Variants in HS6ST3 observed in about 807,000 individuals in gnomAD.
HS6ST3 encodes heparan sulfate 6-O-sulfotransferase 3.
Under a neutral mutation model 36.7 loss-of-function variants are expected in HS6ST3, and 12 were observed. The observed-to-expected ratio is 0.33, with a 90% CI of 0.21 to 0.53. HS6ST3 has a LOEUF of 0.53. HS6ST3 is among the 20% of genes least tolerant of loss of function. The pLI is 0.95. For synonymous variants in HS6ST3, 240 were observed against 257.5 expected, an observed-to-expected ratio of 0.93 and a Z score of 0.65; for missense variants, 584 against 640.9, an observed-to-expected ratio of 0.91 and a Z score of 0.96.
chr13:96,125,249 G>T (rs1265325251), intron 1 of HS6ST3, among the ~76,000 whole-genome samples: 1 of 152,120 alleles, frequency 6.6e-6, no homozygotes, highest in African/African-American at 2.4e-5. Flanking sequence ...CTGGGTTAAG[G>T]TAGTAATTAC....
intron 1 of HS6ST3, among the ~76,000 whole-genome samples, chr13:96,781,891 A>G (rs183986299): frequency 2.0e-5 from 3 of 152,306 alleles, no homozygotes; most frequent in African/African-American, 4.8e-5. Flanking sequence ...TGGCATTGTT[A>G]TTAGTCGGTT....
chr13:96,760,874 T>C (rs1240445539), intron 1 of HS6ST3, among the ~76,000 whole-genome samples: 1 of 152,190 alleles, frequency 6.6e-6, no homozygotes, highest in African/African-American at 2.4e-5. Flanking sequence ...TTTTTGTGCT[T>C]CTAAAAGGGT....
At chr13:96,782,236 G>A (rs534147859) in intron 1 of HS6ST3, among the ~76,000 whole-genome samples, 39 of 152,258 alleles carry the variant, frequency 2.6e-4, no homozygotes, top group African/African-American at 9.1e-4. Flanking sequence ...AGCAAAGAAG[G>A]CTGCTGAATT....
At chr13:96,672,378 A>G (rs904241410) in intron 1 of HS6ST3, among the ~76,000 whole-genome samples, 8 of 152,236 alleles carry the variant, frequency 5.3e-5, no homozygotes, top group South Asian at 4.1e-4. Context: ...TTCATCCCCA[A>G]ACATTCTCCC....
chr13:96,118,759 G>A (rs987787455), intron 1 of HS6ST3, among the ~76,000 whole-genome samples: 3 of 123,190 alleles, frequency 2.4e-5, no homozygotes, highest in Admixed American at 9.9e-5. Flanking sequence ...GCCGGACTGC[G>A]GACTGCAGTG....
rs573183411 is a variant in HS6ST3, at chr13:96,344,953, T to G, written c.707+253384T>G. Reference sequence around the variant, plus strand: ...ACAGAATAGGGAATTCTTTTTCAATTGTGTGAGGATCAGATTTGAATAAAA... The same window carrying G: ...ACAGAATAGGGAATTCTTTTTCAATGGTGTGAGGATCAGATTTGAATAAAA... On this transcript the variant is annotated intron_variant, in intron 1 of 1. Transcript: ENST00000376705. 1.2e-4 allele frequency among the ~76,000 whole-genome samples: 19 copies of G among 152,330 alleles called. No homozygotes were observed. The South Asian group carries it at 3.7e-3, about 30-fold the overall frequency.
At chr13:96,743,359 CT>C (rs1876488659) in intron 1 of HS6ST3, among the ~76,000 whole-genome samples, 1 of 152,080 alleles carries the variant, frequency 6.6e-6, no homozygotes, top group African/African-American at 2.4e-5. Context: ...TGAACAGTCA[CT>C]CGGGCAATCC....
chr13:96,099,260 T>C (rs2053806452), intron 1 of HS6ST3, among the ~76,000 whole-genome samples: 1 of 152,186 alleles, frequency 6.6e-6, no homozygotes, highest in African/African-American at 2.4e-5. Flanking sequence ...GTTGTTTTTA[T>C]GTAAAAATAA....
At chr13:96,571,552 T>C (rs902641460) in intron 1 of HS6ST3, among the ~76,000 whole-genome samples, 4 of 152,228 alleles carry the variant, frequency 2.6e-5, no homozygotes, top group African/African-American at 9.6e-5. Context: ...TTATCATGCA[T>C]ATGTTTCTCT....
chr13:96,621,366 T>C (rs1324660177), intron 1 of HS6ST3, among the ~76,000 whole-genome samples: 2 of 152,194 alleles, frequency 1.3e-5, no homozygotes, highest in Admixed American at 6.5e-5. Context: ...CTGATGGTTT[T>C]TAAAATGGCA....
At chr13:96,579,579 T>C (rs1408538056) in intron 1 of HS6ST3, among the ~76,000 whole-genome samples, 2 of 150,980 alleles carry the variant, frequency 1.3e-5, no homozygotes, top group African/African-American at 4.9e-5. Context: ...AAAAAAAGTT[T>C]GTAGAATTGG....
chr13:96,565,374 AG>A (rs1465074955), intron 1 of HS6ST3, among the ~76,000 whole-genome samples: 1 of 152,130 alleles, frequency 6.6e-6, no homozygotes. Flanking sequence ...TTAGATCCTC[AG>A]ATCCCAAAAT....
chr13:96,445,732 G>A (rs1334000830), intron 1 of HS6ST3, among the ~76,000 whole-genome samples: 1 of 151,694 alleles, frequency 6.6e-6, no homozygotes, highest in African/African-American at 2.4e-5. Flanking sequence ...ACCAGGCGTG[G>A]TGGTATGTGC....
intron 1 of HS6ST3, among the ~76,000 whole-genome samples, chr13:96,477,954 A>C (rs910520458): frequency 1.3e-5 from 2 of 152,160 alleles, no homozygotes; most frequent in African/African-American, 4.8e-5. Context: ...CAAAAAACCG[A>C]AAGCTAACCC....
intron 1 of HS6ST3, among the ~76,000 whole-genome samples, chr13:96,247,103 A>G (rs2139375493): frequency 6.6e-6 from 1 of 152,238 alleles, no homozygotes; most frequent in Admixed American, 6.5e-5. Context: ...CAAATCAGAC[A>G]TTTCCTTTCC....
chr13:96,737,092 A>G (rs1241450134), intron 1 of HS6ST3, among the ~76,000 whole-genome samples: 1 of 152,186 alleles, frequency 6.6e-6, no homozygotes, highest in East Asian at 1.9e-4. Flanking sequence ...CTAATCAGTA[A>G]ACCCAAAAAC....
rs556473293 is a variant in HS6ST3 at position 96,143,160 on chromosome 13, A to G, written c.707+51591A>G. Among the ~76,000 whole-genome samples the G allele has an allele frequency of 1.1e-4, 16 of 152,170 alleles. No homozygotes were observed. In the East Asian group the frequency reaches 2.9e-3, roughly 28 times the overall value. ...GTGGATGAACACAGATCCTATTGATAGCAGCCATCAAATGCCTCACTATCA... is the reference window on the plus strand; with the variant it reads ...GTGGATGAACACAGATCCTATTGATGGCAGCCATCAAATGCCTCACTATCA... On this transcript the variant is annotated intron_variant, in intron 1 of 1. Transcript: ENST00000376705.
chr13:96,792,464 A>G (rs1418540200), intron 1 of HS6ST3, among the ~76,000 whole-genome samples: 1 of 151,858 alleles, frequency 6.6e-6, no homozygotes, highest in Non-Finnish European at 1.5e-5. Flanking sequence ...TTGCCCTTGG[A>G]AATTGCTGAT....
chr13:96,550,293 C>T (rs928544038), intron 1 of HS6ST3, among the ~76,000 whole-genome samples: 1 of 152,146 alleles, frequency 6.6e-6, no homozygotes. Context: ...GCCTGGAACC[C>T]CCTTCTTTCT....
Sources: allele counts gnomAD v4.1 joint callset (sites outside exome capture counted in the v4.1 genomes callset), GRCh38; gene constraint gnomAD v4.1.1; transcripts MANE v1.5; gene names NCBI Gene and HGNC (gene_info 2026-07-23, HGNC 2026-07-21).